Variants in AUTS2 observed in about 807,000 individuals in gnomAD.
AUTS2 encodes activator of transcription and developmental regulator AUTS2.
AUTS2 carries 17 observed loss-of-function variants against 112.4 expected under a neutral mutation model. The observed-to-expected ratio is 0.15, with a 90% CI of 0.10 to 0.23. The LOEUF (loss-of-function observed/expected upper bound fraction) is 0.23, where lower values mean the gene tolerates loss of function less well. AUTS2 is among the 10% of genes least tolerant of loss of function. AUTS2 has a pLI of 1.00. For synonymous variants in AUTS2, 751 were observed against 702.7 expected (o/e 1.07, Z -1.09); for missense variants, 1,510 against 1,701.6 (o/e 0.89, Z 1.98).
At chr7:70,355,013 T>G (rs574245097) in intron 4 of AUTS2, among the ~76,000 whole-genome samples, 139 of 150,846 alleles carry the variant, frequency 9.2e-4, no homozygotes, top group Non-Finnish European at 1.6e-3. Flanking sequence ...TGTGTGTATG[T>G]ATGTGTGTGT....
chr7:70,463,614 T>C (rs1797058468), intron 5 of AUTS2, among the ~76,000 whole-genome samples: 1 of 152,232 alleles, frequency 6.6e-6, no homozygotes, highest in African/African-American at 2.4e-5. Context: ...CTTGTCAATC[T>C]TTTGAGGTCA....
At chr7:69,720,542 T>C (rs968736571) in intron 1 of AUTS2, among the ~76,000 whole-genome samples, 5 of 152,214 alleles carry the variant, frequency 3.3e-5, no homozygotes, top group Non-Finnish European at 7.4e-5. Flanking sequence ...TAAAAAATCC[T>C]TTTATAACCA....
At chr7:70,668,001 G>A (rs1455459397) in intron 5 of AUTS2, among the ~76,000 whole-genome samples, 1 of 152,178 alleles carries the variant, frequency 6.6e-6, no homozygotes, top group South Asian at 2.1e-4. Flanking sequence ...ATGAGATTCT[G>A]CATTTCTTTT....
In AUTS2 at chr7:70,118,245, T is replaced by TAAAAAAAAAAA; in HGVS notation, c.624+24_624+34dup. 7.6e-7 allele frequency: 1 copy of TAAAAAAAAAAA among 1,322,588 alleles called. No homozygotes were observed. Among genetic ancestry groups the TAAAAAAAAAAA allele is most frequent in the Admixed American group, 3.4e-5 (1 of 29,116 alleles). The allele number at this position is 1,322,588 out of a possible 1,614,324, so 81.9% of individuals were successfully genotyped here. ...AAAGGCTCAGTGATGTAAGTTTAAG[T>TAAAAAAAAAAA]AAAAAAAAAAAAAAAAAAAAAATTA... On this transcript the variant is annotated intron_variant, in intron 3 of 18. Coordinates refer to ENST00000342771, the MANE Select transcript of AUTS2 (RefSeq NM_015570.4).
At chr7:69,600,064 G>C in intron 1 of AUTS2, 102 bp downstream of exon 1, 4 of 1,162,458 alleles carry the variant, frequency 3.4e-6, no homozygotes, top group Non-Finnish European at 5.0e-6. Context: ...CTGTCTGTCT[G>C]TCTGTCTGTC....
chr7:69,966,479 A>G (rs1797640550), intron 2 of AUTS2, among the ~76,000 whole-genome samples: 1 of 152,238 alleles, frequency 6.6e-6, no homozygotes, highest in African/African-American at 2.4e-5. Flanking sequence ...TCATACATCC[A>G]AATTCCTCTG....
intron 1 of AUTS2, among the ~76,000 whole-genome samples, chr7:69,803,045 T>C (rs770572535): frequency 2.6e-5 from 4 of 152,188 alleles, no homozygotes; most frequent in Non-Finnish European, 5.9e-5. Context: ...CATGACAGTT[T>C]GTGTATGCTT....
chr7:69,986,508 T>C (rs1004820405), intron 2 of AUTS2, among the ~76,000 whole-genome samples: 2 of 152,258 alleles, frequency 1.3e-5, no homozygotes, highest in African/African-American at 4.8e-5. Context: ...TTATGGTTGT[T>C]CTTGGCAGTA....
intron 2 of AUTS2, among the ~76,000 whole-genome samples, chr7:70,082,274 A>G (rs1007515994): frequency 6.6e-6 from 1 of 152,196 alleles, no homozygotes; most frequent in African/African-American, 2.4e-5. Context: ...TTCATGGTAT[A>G]TGGATGATTT....
intron 1 of AUTS2, among the ~76,000 whole-genome samples, chr7:69,778,266 A>G (rs1272984271): frequency 7.1e-6 from 1 of 140,312 alleles, no homozygotes; most frequent in Admixed American, 7.2e-5. Context: ...TTTTTTACTC[A>G]TTTGGTCTGT....
intron 4 of AUTS2, among the ~76,000 whole-genome samples, chr7:70,280,666 G>C (rs892687938): frequency 6.6e-6 from 1 of 152,034 alleles, no homozygotes; most frequent in African/African-American, 2.4e-5. Context: ...TAAACACTTG[G>C]AGGTCTGAAC....
chr7:70,384,837 T>C (rs1793535873), intron 4 of AUTS2, among the ~76,000 whole-genome samples: 1 of 152,190 alleles, frequency 6.6e-6, no homozygotes, highest in Admixed American at 6.5e-5. Context: ...CCCACTGGCC[T>C]CCAGTAGGAG....
intron 4 of AUTS2, among the ~76,000 whole-genome samples, chr7:70,331,619 C>G (rs1790754894): frequency 6.6e-6 from 1 of 151,842 alleles, no homozygotes; most frequent in East Asian, 1.9e-4. Context: ...AGCTTATCCA[C>G]CATAATCAAG....
chr7:70,681,018 G>C (rs1808178724), intron 5 of AUTS2, among the ~76,000 whole-genome samples: 2 of 152,176 alleles, frequency 1.3e-5, no homozygotes, highest in South Asian at 4.1e-4. Context: ...AATATGAAAA[G>C]TTGTACATTA....
chr7:69,906,145 A>G (rs1355576575), intron 2 of AUTS2, among the ~76,000 whole-genome samples: 1 of 152,208 alleles, frequency 6.6e-6, no homozygotes, highest in Non-Finnish European at 1.5e-5. Context: ...AATAAGGCCT[A>G]GCCAGTACAC....
chr7:70,448,747 C>T (rs150935301), intron 5 of AUTS2, among the ~76,000 whole-genome samples: 45 of 152,286 alleles, frequency 3.0e-4, no homozygotes, highest in African/African-American at 1.0e-3. Flanking sequence ...CTTTACTGGA[C>T]GTCCAATGCT....
At chr7:69,995,509 T>C (rs1798908444) in intron 2 of AUTS2, among the ~76,000 whole-genome samples, 1 of 152,168 alleles carries the variant, frequency 6.6e-6, no homozygotes, top group South Asian at 2.1e-4. Context: ...CCTCCTTCTA[T>C]TTCTCATCTT....
At chr7:70,405,760 A>C (rs988667144) in intron 4 of AUTS2, among the ~76,000 whole-genome samples, 1 of 152,250 alleles carries the variant, frequency 6.6e-6, no homozygotes, top group Admixed American at 6.5e-5. Context: ...AGGCCTGCTC[A>C]TAAAAATCCT....
intron 1 of AUTS2, among the ~76,000 whole-genome samples, chr7:69,707,353 A>T (rs1798108568): frequency 6.6e-6 from 1 of 152,220 alleles, no homozygotes; most frequent in Non-Finnish European, 1.5e-5. Flanking sequence ...CTATTGCTAG[A>T]GGTAGACACT....
Sources: allele counts gnomAD v4.1 joint callset (sites outside exome capture counted in the v4.1 genomes callset), GRCh38; gene constraint gnomAD v4.1.1; transcripts MANE v1.5; gene names NCBI Gene and HGNC (gene_info 2026-07-23, HGNC 2026-07-21).